HFM1: variants seen among roughly 807,000 people sequenced by gnomAD.
HFM1 encodes probable ATP-dependent DNA helicase HFM1.
HFM1 carries 169 observed loss-of-function variants against 192.1 expected under a neutral mutation model. The observed-to-expected ratio is 0.88, with a 90% confidence interval of 0.78 to 1.00. The LOEUF is 1.00. Among genes scored for constraint, HFM1 ranks in the 50% least tolerant of loss-of-function variants. The pLI, the probability that HFM1 is intolerant of heterozygous loss-of-function variation, is 0.00. For synonymous variants in HFM1, 525 were observed against 537.8 expected, an observed-to-expected ratio of 0.98 and a Z score of 0.33; for missense variants, 1,661 against 1,668.0, an observed-to-expected ratio of 1.00 and a Z score of 0.07.
At chr1:91,338,656 A>T (rs1654921298) in intron 20 of HFM1, among the ~76,000 whole-genome samples, 1 of 152,088 alleles carries the variant, frequency 6.6e-6, no homozygotes, top group Admixed American at 6.5e-5. Context: ...GCCTCCCCAC[A>T]TCACTTTGCT....
At position 91,319,067 on chromosome 1, in the gene HFM1, T is replaced by G. The variant is rs758085378; in HGVS notation, c.2812+11A>C. ...ACATGGCCAAACTGCCTGCCTGTAT[T>G]CAGTACCTACCAATTTTTTCCAGTT... On this transcript the variant is annotated intron_variant, in intron 25 of 38. Coordinates refer to ENST00000370425, the MANE Select transcript of HFM1 (RefSeq NM_001017975.6). 6 of 1,582,108 alleles carry G rather than the reference T, an allele frequency of 3.8e-6. No individual in the cohort carries two copies. The highest frequency in any genetic ancestry group is 5.1e-6 in the Non-Finnish European group (6 of 1,170,982).
chr1:91,375,810 T>C, intron 11 of HFM1, 83 bp from the exon 12 acceptor site: 1 of 1,047,414 alleles, frequency 9.5e-7, no homozygotes, highest in Non-Finnish European at 1.5e-6. Flanking sequence ...CAAAGCACTT[T>C]AAGGTCAAGC....
intron 13 of HFM1, among the ~76,000 whole-genome samples, chr1:91,357,679 C>T (rs768255799): frequency 3.9e-5 from 6 of 152,052 alleles, no homozygotes; most frequent in Non-Finnish European, 5.9e-5. Flanking sequence ...TATTTGCAGA[C>T]AACATTATCT....
chr1:91,396,164 A>C, intron 3 of HFM1, 129 bp downstream of exon 3: 1 of 476,960 alleles, frequency 2.1e-6, no homozygotes, highest in Non-Finnish European at 3.8e-6. Flanking sequence ...GAGTATACAT[A>C]TTTTGGGGGC....
chr1:91,276,952 C>T (rs1348162146), intron 31 of HFM1, 30 bp downstream of exon 31: 1 of 1,370,704 alleles, frequency 7.3e-7, no homozygotes, highest in Admixed American at 2.0e-5. Flanking sequence ...ATTTTGAACA[C>T]TTTAAATAAA....
At chr1:91,368,340 C>G (rs1267425063) in intron 13 of HFM1, among the ~76,000 whole-genome samples, 1 of 152,102 alleles carries the variant, frequency 6.6e-6, no homozygotes, top group Non-Finnish European at 1.5e-5. Context: ...TTAAGAGTAG[C>G]CAGAGAGAAA....
rs139562594 is a variant in HFM1, at chr1:91,324,705, T to C, written c.2397A>G (p.Thr799=). The change falls in exon 21 of 39, where the codon ACA becomes ACG. Residue 799 remains threonine (T), a synonymous_variant. Coordinates refer to ENST00000370425, the MANE Select transcript of HFM1 (RefSeq NM_001017975.6). ...CTGATAAGGTTTCTTTTCCACTGAT[T>C]GTATAAAATTTCTTCACTGTCTCAA... ...ITFETVKKFY[T]ISGKETLSDL... The C allele has an allele frequency of 5.6e-5, 87 of 1,545,506 alleles. No homozygotes were observed. The African/African-American group carries it at 9.5e-4, about 17-fold the overall frequency.
At chr1:91,295,286 A>G (rs1647344256) in intron 30 of HFM1, among the ~76,000 whole-genome samples, 1 of 152,196 alleles carries the variant, frequency 6.6e-6, no homozygotes, top group African/African-American at 2.4e-5. Flanking sequence ...TAAGGCTGCC[A>G]TAACAAAGTG....
At chr1:91,314,840 G>A (rs1650968575) in intron 28 of HFM1, among the ~76,000 whole-genome samples, 1 of 152,174 alleles carries the variant, frequency 6.6e-6, no homozygotes, top group Non-Finnish European at 1.5e-5. Flanking sequence ...TTGTACAACA[G>A]CATATTCTCT....
At chr1:91,354,774 G>A (rs528278987) in intron 13 of HFM1, among the ~76,000 whole-genome samples, 34 of 152,188 alleles carry the variant, frequency 2.2e-4, no homozygotes, top group Non-Finnish European at 2.9e-5. Flanking sequence ...GAGAAATAAA[G>A]TCTCAGCCAG....
intron 6 of HFM1, among the ~76,000 whole-genome samples, chr1:91,381,908 AT>A (rs1661588173): frequency 6.6e-6 from 1 of 152,130 alleles, no homozygotes; most frequent in Non-Finnish European, 1.5e-5. Flanking sequence ...CTTACATCAT[AT>A]TACTTCTCTG....
chr1:91,360,633 C>T (rs1297858441), intron 13 of HFM1, among the ~76,000 whole-genome samples: 1 of 152,178 alleles, frequency 6.6e-6, no homozygotes, highest in African/African-American at 2.4e-5. Flanking sequence ...TTAGACAGAT[C>T]ACTGAGACAG....
At position 91,343,447 on chromosome 1, in the gene HFM1, A is replaced by G; in HGVS notation, c.2318T>C (p.Val773Ala). 1 of 1,425,848 alleles carries G rather than the reference A, an allele frequency of 7.0e-7. No individual in the cohort carries two copies. Among genetic ancestry groups the G allele is most frequent in the Non-Finnish European group, 9.7e-7 (1 of 1,034,940 alleles). The allele number at this position is 1,425,848 out of a possible 1,614,324, so 88.3% of individuals were successfully genotyped here. A position where few individuals can be genotyped will look rare whatever the true frequency, so the allele number is the denominator to read the frequency against. Reference sequence around the variant, plus strand: ...GAAATTACCAGTTGGTTTGAAATTAACACCTTCATCCATCTTTATTAAGTC... The same window carrying G: ...GAAATTACCAGTTGGTTTGAAATTAGCACCTTCATCCATCTTTATTAAGTC... ...SLDLIKMDEG[V>A]NFKPTEAGRL... Residue 773 changes from valine to alanine, a missense_variant, in exon 20 of 39, where the codon GTT (valine) becomes GCT (alanine). Transcript: ENST00000370425.
intron 19 of HFM1, among the ~76,000 whole-genome samples, chr1:91,344,887 C>T (rs1427129226): frequency 1.3e-5 from 2 of 151,924 alleles, no homozygotes; most frequent in South Asian, 2.1e-4. Context: ...GCTGGAACTA[C>T]AGGCATGTAC....
chr1:91,390,066 C>G (rs1283443948), intron 4 of HFM1, among the ~76,000 whole-genome samples: 1 of 152,282 alleles, frequency 6.6e-6, no homozygotes, highest in South Asian at 2.1e-4. Flanking sequence ...TGAAAACAAC[C>G]CAAACATCCA....
chr1:91,276,677 A>G lies in HFM1; in HGVS notation c.3539T>C (p.Leu1180Ser). 1 of 1,572,334 alleles carries G rather than the reference A, an allele frequency of 6.4e-7. No homozygotes were observed. The highest frequency in any genetic ancestry group is 8.6e-7 in the Non-Finnish European group (1 of 1,165,374). ...ESTISSYLSD[L>S]RNRNAVSSVP... ...AGATGAAACAGCATTCCTGTTTCTT[A>G]AATCAGATAAATATGAAGAAATTGT... is the stretch of plus-strand genomic sequence containing the variant. Residue 1180 changes from leucine to serine, a missense_variant, in exon 32 of 39, where the codon TTA (leucine) becomes TCA (serine). By Grantham distance (145) the Leu-to-Ser change is moderately radical. Coordinates refer to ENST00000370425, the MANE Select transcript of HFM1 (RefSeq NM_001017975.6).
chr1:91,364,626 A>ATTTT (rs1468902149), intron 13 of HFM1, among the ~76,000 whole-genome samples: 51 of 43,292 alleles, frequency 1.2e-3, no homozygotes, highest in Admixed American at 3.2e-3. Context: ...ATATATATAT[A>ATTTT]TATATATTTT....
Position 91,375,664 on chromosome 1 carries a change from T to C in HFM1, c.1459A>G (p.Arg487Gly), listed in dbSNP as rs371771069. The C allele has an allele frequency of 3.7e-6, 6 of 1,613,366 alleles. No homozygotes were observed. Among genetic ancestry groups the C allele is most frequent in the African/African-American group, 1.3e-5 (1 of 74,908 alleles). ...ACCACTTTCTGAAGTTTCACTGGTCTATGGCTCTCATCCATTTTCAGACAC... is the reference window on the plus strand; with the variant it reads ...ACCACTTTCTGAAGTTTCACTGGTCCATGGCTCTCATCCATTTTCAGACAC... ...AVCLKMDESH[R>G]PVKLQKVVLG... The change falls in exon 12 of 39, where the codon AGA becomes GGA. Residue 487 changes from arginine (R) to glycine (G), a missense_variant. Coordinates refer to ENST00000370425, the MANE Select transcript of HFM1 (RefSeq NM_001017975.6).
chr1:91,305,034 T>C (rs926237859), intron 30 of HFM1, among the ~76,000 whole-genome samples: 8 of 152,204 alleles, frequency 5.3e-5, no homozygotes, highest in African/African-American at 1.9e-4. Context: ...TTATGTCTAT[T>C]ATTATGACAG....
Sources: gnomAD v4.1 joint callset for allele counts (sites outside exome capture counted in the v4.1 genomes callset) on GRCh38, gnomAD v4.1.1 for gene constraint, MANE v1.5 for transcripts, NCBI Gene and HGNC (gene_info 2026-07-23, HGNC 2026-07-21) for gene names.